Variants in TXNL4A observed in about 807,000 individuals in gnomAD.
TXNL4A encodes the protein thioredoxin like 4A.
A neutral mutation model predicts 14.6 loss-of-function variants in TXNL4A; 17 were observed. The ratio of observed to expected loss-of-function variants is 1.16; its 90% CI spans 0.80 to 1.74. The LOEUF (loss-of-function observed/expected upper bound fraction) is 1.74, where lower values mean the gene tolerates loss of function less well. Among genes scored for constraint, TXNL4A ranks in the 40% most tolerant of loss-of-function variants. The pLI, the probability that TXNL4A is intolerant of heterozygous loss-of-function variation, is 0.00. For synonymous variants in TXNL4A, 83 were observed against 70.6 expected, an observed-to-expected ratio of 1.18 and a Z score of -0.88; for missense variants, 74 against 195.2, an observed-to-expected ratio of 0.38 and a Z score of 3.70.
In TXNL4A at chr18:80,020,702, G is replaced by A. The variant is rs970772768; in HGVS notation, c.-61+13149C>T. On this transcript the variant is annotated intron_variant, in intron 1 of 2. Coordinates refer to the TXNL4A transcript ENST00000585474. ...GAGCCTCAGGTTTTTAAGTTAGGGA[G>A]TGAGTTTATAGCTGATTGAGTTTAT... is the stretch of plus-strand genomic sequence containing the variant. 4.1e-4 allele frequency among the ~76,000 whole-genome samples: 62 copies of A among 150,604 alleles called. 2 individuals are homozygous for A.
intron 1 of TXNL4A, among the ~76,000 whole-genome samples, chr18:80,003,023 G>A (rs1237141575): frequency 1.3e-5 from 2 of 152,222 alleles, no homozygotes; most frequent in Non-Finnish European, 2.9e-5. Flanking sequence ...TGGGAAGGGG[G>A]CCTGTTGTCC....
intron 1 of TXNL4A, among the ~76,000 whole-genome samples, chr18:80,006,160 C>T (rs576380061): frequency 5.1e-4 from 78 of 151,782 alleles, no homozygotes; most frequent in Non-Finnish European, 8.7e-4. Context: ...CTAAGGCGGG[C>T]GGATCACGAG....
intron 1 of TXNL4A, among the ~76,000 whole-genome samples, chr18:80,006,259 C>T (rs2051730211): frequency 6.6e-6 from 1 of 151,972 alleles, no homozygotes; most frequent in African/African-American, 2.4e-5. Flanking sequence ...TGGCATGCGC[C>T]TGTAGTCCCA....
At chr18:80,005,269 G>A (rs1159826952) in intron 1 of TXNL4A, among the ~76,000 whole-genome samples, 4 of 152,226 alleles carry the variant, frequency 2.6e-5, no homozygotes, top group Non-Finnish European at 5.9e-5. Flanking sequence ...GATGCCAGTG[G>A]TGGCCCCTCC....
At chr18:80,021,001 T>G (rs965850049) in intron 1 of TXNL4A, among the ~76,000 whole-genome samples, 3 of 152,168 alleles carry the variant, frequency 2.0e-5, no homozygotes, top group Non-Finnish European at 4.4e-5. Context: ...AGTGCCTTCT[T>G]GAGAAACCCC....
At chr18:80,023,695 G>A (rs1310055481) in intron 1 of TXNL4A, among the ~76,000 whole-genome samples, 1 of 152,080 alleles carries the variant, frequency 6.6e-6, no homozygotes, top group African/African-American at 2.4e-5. Flanking sequence ...GGGATAGAAG[G>A]GACCTTACTA....
intron 2 of TXNL4A, chr18:79,976,651 G>C (rs1004019651): frequency 5.1e-6 from 2 of 390,042 alleles, no homozygotes; most frequent in Admixed American, 6.5e-5. Flanking sequence ...TGCTCAATGC[G>C]TGCTAATTTG....
chr18:79,989,493 G>A (rs974932174), upstream of TXNL4A, among the ~76,000 whole-genome samples: 6 of 152,300 alleles, frequency 3.9e-5, no homozygotes, highest in South Asian at 2.1e-4. Context: ...ACCAGTCAGA[G>A]CTCCCCAAAC....
intron 2 of TXNL4A, among the ~76,000 whole-genome samples, chr18:79,976,058 C>A (rs182397522): frequency 6.6e-6 from 1 of 152,254 alleles, no homozygotes; most frequent in East Asian, 1.9e-4. Flanking sequence ...TCTTCTCAAC[C>A]TAACAGGAGG....
At chr18:79,975,243 G>A (rs2051361463) in intron 2 of TXNL4A, among the ~76,000 whole-genome samples, 1 of 152,204 alleles carries the variant, frequency 6.6e-6, no homozygotes, top group Non-Finnish European at 1.5e-5. Context: ...CGTCCTATGA[G>A]AGTGGGAATC....
intron 1 of TXNL4A, among the ~76,000 whole-genome samples, chr18:79,984,090 G>T (rs1381347263): frequency 6.6e-6 from 1 of 151,654 alleles, no homozygotes; most frequent in Non-Finnish European, 1.5e-5. Flanking sequence ...CTACAAGGCT[G>T]TTTTTTTTCC....
intron 1 of TXNL4A, among the ~76,000 whole-genome samples, chr18:80,024,756 G>A (rs963436835): frequency 9.9e-5 from 15 of 152,142 alleles, no homozygotes; most frequent in African/African-American, 1.7e-4. Context: ...GAACCGACCC[G>A]TCCTGCAACT....
chr18:79,999,910 C>G (rs574460807), intron 1 of TXNL4A, among the ~76,000 whole-genome samples: 1 of 152,146 alleles, frequency 6.6e-6, no homozygotes, highest in East Asian at 1.9e-4. Context: ...GGGGAAACCC[C>G]TTTTGCTTGG....
chr18:79,996,417 T>C (rs909627573), intron 1 of TXNL4A, among the ~76,000 whole-genome samples: 4 of 152,168 alleles, frequency 2.6e-5, no homozygotes, highest in Non-Finnish European at 5.9e-5. Flanking sequence ...TAAAACTCTC[T>C]CATGTTTTAA....
intron 1 of TXNL4A, 38 bp from the exon 2 acceptor site, chr18:79,977,739 A>G: frequency 8.0e-7 from 1 of 1,251,086 alleles, no homozygotes; most frequent in Admixed American, 2.1e-5. Flanking sequence ...AAATAACAGA[A>G]CACTTTGGCT....
At position 79,972,574 on chromosome 18, in the gene TXNL4A, C is replaced by T. The variant is rs1012206823; in HGVS notation, c.*1111G>A. 1 of 152,372 alleles carries T rather than the reference C, an allele frequency of 6.6e-6. No individual in the cohort carries two copies. The highest frequency in any genetic ancestry group is 1.5e-5 in the Non-Finnish European group (1 of 68,172). The allele number at this position is 152,372 out of a possible 1,614,324, so 9.4% of individuals were successfully genotyped here. A position where few individuals can be genotyped will look rare whatever the true frequency, so the allele number is the denominator to read the frequency against. ...CCACCTCCCGGGTTCAAGCAATTCT[C>T]CTGCCTCAGCCTTCCAAGTAGCTGG... On this transcript the variant is annotated 3_prime_UTR_variant, in exon 3 of 3. Transcript: ENST00000269601.
intron 1 of TXNL4A, among the ~76,000 whole-genome samples, chr18:79,984,540 G>A: frequency 6.6e-6 from 1 of 152,214 alleles, no homozygotes; most frequent in South Asian, 2.1e-4. Context: ...CTCTAGCCTG[G>A]ACAACACAAG....
At chr18:79,977,730 AATAAC>A (rs2145058894) in intron 1 of TXNL4A, 29 bp from the exon 2 acceptor site, 1 of 1,312,666 alleles carries the variant, frequency 7.6e-7, no homozygotes, top group Non-Finnish European at 1.1e-6. Flanking sequence ...AAAAAACTGA[AATAAC>A]AGAACACTTT....
At chr18:79,992,139 G>A (rs1389384770), upstream of TXNL4A, among the ~76,000 whole-genome samples, 2 of 152,182 alleles carry the variant, frequency 1.3e-5, no homozygotes, top group Non-Finnish European at 2.9e-5. Context: ...GTGAGCAGAG[G>A]GATGACTGAC....
Sources: gnomAD v4.1 joint callset for allele counts (sites outside exome capture counted in the v4.1 genomes callset) on GRCh38, gnomAD v4.1.1 for gene constraint, MANE v1.5 for transcripts, NCBI Gene and HGNC (gene_info 2026-07-23, HGNC 2026-07-21) for gene names.